CADM2: variants seen among roughly 807,000 people sequenced by gnomAD.
CADM2 encodes immunoglobulin superfamily member 4D.
A neutral mutation model predicts 49.8 loss-of-function variants in CADM2; 12 were observed. The ratio of observed to expected loss-of-function variants is 0.24; its 90% CI spans 0.15 to 0.39. CADM2 has a LOEUF of 0.39. CADM2 is among the 10% of genes least tolerant of loss of function. The pLI is 1.00. For synonymous variants in CADM2, 214 were observed against 175.4 expected (o/e 1.22, Z -1.74); for missense variants, 378 against 492.3 (o/e 0.77, Z 2.20).
At chr3:85,271,732 C>A (rs2043248106) in intron 1 of CADM2, among the ~76,000 whole-genome samples, 1 of 150,804 alleles carries the variant, frequency 6.6e-6, no homozygotes, top group African/African-American at 2.4e-5. Flanking sequence ...TAAGTAAAAT[C>A]TGTAAAATTG....
At chr3:85,385,952 A>G (rs1039668743) in intron 1 of CADM2, among the ~76,000 whole-genome samples, 3 of 152,154 alleles carry the variant, frequency 2.0e-5, no homozygotes, top group African/African-American at 7.2e-5. Context: ...ATGTTTTAAG[A>G]ATAAATGAAG....
At chr3:85,435,182 C>T (rs545555154) in intron 1 of CADM2, among the ~76,000 whole-genome samples, 51 of 152,116 alleles carry the variant, frequency 3.4e-4, no homozygotes, top group African/African-American at 1.2e-3. Context: ...CACACAACCC[C>T]CAATAGGCCC....
intron 1 of CADM2, among the ~76,000 whole-genome samples, chr3:85,597,167 CACTT>C (rs2063268369): frequency 6.6e-6 from 1 of 151,878 alleles, no homozygotes; most frequent in African/African-American, 2.4e-5. Flanking sequence ...AAAAATATGA[CACTT>C]AATGAAAGTG....
At chr3:85,165,097 A>C (rs984761897) in intron 1 of CADM2, among the ~76,000 whole-genome samples, 1 of 151,962 alleles carries the variant, frequency 6.6e-6, no homozygotes, top group East Asian at 1.9e-4. Flanking sequence ...ATTTTAAGTT[A>C]ATTTTTGGTA....
intron 6 of CADM2, among the ~76,000 whole-genome samples, chr3:85,915,064 GA>G (rs1198511143): frequency 6.6e-6 from 1 of 151,994 alleles, no homozygotes; most frequent in African/African-American, 2.4e-5. Flanking sequence ...ACACATTCTG[GA>G]AAATTGTTTG....
intron 8 of CADM2, among the ~76,000 whole-genome samples, chr3:86,045,055 C>T (rs184730260): frequency 9.5e-5 from 6 of 63,288 alleles, no homozygotes; most frequent in South Asian, 6.6e-4. Flanking sequence ...ACGGGCCTGT[C>T]GTGGGGTGGT....
At chr3:85,827,352 A>G (rs1361701891) in intron 3 of CADM2, among the ~76,000 whole-genome samples, 1 of 151,992 alleles carries the variant, frequency 6.6e-6, no homozygotes, top group African/African-American at 2.4e-5. Flanking sequence ...ATTCGTATAC[A>G]TTTTATAAAA....
At chr3:86,038,278 A>AATC (rs1735427412) in intron 8 of CADM2, among the ~76,000 whole-genome samples, 1 of 152,230 alleles carries the variant, frequency 6.6e-6, no homozygotes, top group Admixed American at 6.5e-5. Flanking sequence ...GAATGAAGAC[A>AATC]ATCAAGTGAG....
chr3:85,599,208 T>A (rs746149773), intron 1 of CADM2, among the ~76,000 whole-genome samples: 4 of 152,026 alleles, frequency 2.6e-5, no homozygotes, highest in Admixed American at 1.3e-4. Flanking sequence ...TACCCTTTGA[T>A]CGATACCTTT....
chr3:85,261,052 A>G (rs1025042253), intron 1 of CADM2, among the ~76,000 whole-genome samples: 2 of 151,836 alleles, frequency 1.3e-5, no homozygotes, highest in African/African-American at 2.4e-5. Context: ...TTCTCTTTCC[A>G]TTGTCCTTTT....
chr3:85,201,363 A>G (rs2041495693), intron 1 of CADM2, among the ~76,000 whole-genome samples: 1 of 152,230 alleles, frequency 6.6e-6, no homozygotes, highest in African/African-American at 2.4e-5. Context: ...AATAATGTAC[A>G]AACCTTAATT....
chr3:85,495,448 C>G (rs764662511), intron 1 of CADM2, among the ~76,000 whole-genome samples: 1 of 151,944 alleles, frequency 6.6e-6, no homozygotes, highest in Non-Finnish European at 1.5e-5. Context: ...TGAGGTGACC[C>G]AAAGAAATTC....
At chr3:85,245,139 A>C (rs969601539) in intron 1 of CADM2, among the ~76,000 whole-genome samples, 1 of 152,142 alleles carries the variant, frequency 6.6e-6, no homozygotes, top group Non-Finnish European at 1.5e-5. Context: ...TCAAAGGAAA[A>C]AAGACCCCAG....
intron 3 of CADM2, among the ~76,000 whole-genome samples, chr3:85,878,774 G>A (rs1233505340): frequency 6.6e-6 from 1 of 152,118 alleles, no homozygotes; most frequent in Non-Finnish European, 1.5e-5. Flanking sequence ...TAACTTTGGT[G>A]ATGTTATATA....
intron 1 of CADM2, among the ~76,000 whole-genome samples, chr3:85,323,062 A>G (rs933692799): frequency 5.3e-5 from 8 of 152,136 alleles, no homozygotes; most frequent in African/African-American, 1.9e-4. Context: ...ATTGGACAAA[A>G]CTGTTTTCTT....
At chr3:85,556,461 C>A (rs546854794) in intron 1 of CADM2, among the ~76,000 whole-genome samples, 108 of 152,248 alleles carry the variant, frequency 7.1e-4, no homozygotes, top group African/African-American at 2.5e-3. Flanking sequence ...TCAAAAACTA[C>A]ACTGTAATCT....
At chr3:85,890,356 A>G (rs780454620) in intron 5 of CADM2, among the ~76,000 whole-genome samples, 1 of 152,172 alleles carries the variant, frequency 6.6e-6, no homozygotes, top group African/African-American at 2.4e-5. Context: ...TACATTTTAC[A>G]TAAGATAACC....
In CADM2 at chr3:85,438,365, A is replaced by G. The variant is rs577411177; in HGVS notation, c.62-288157A>G. Among the ~76,000 whole-genome samples, 10 of 23,840 alleles carry G rather than the reference A, an allele frequency of 4.2e-4. 1 individual carries two copies. The highest frequency in any genetic ancestry group is 6.6e-3 in the East Asian group (1 of 152). 15.6% of individuals were successfully genotyped at this position (23,840 alleles called of 152,430 possible). ...GTTGGGTTCCAAGTCGTGGTGTTTG[A>G]AAAAAAAAAAACACGTTTGATACTT... On this transcript the variant is annotated intron_variant, in intron 1 of 9. Coordinates refer to ENST00000383699, the MANE Select transcript of CADM2 (RefSeq NM_001167675.2).
intron 1 of CADM2, among the ~76,000 whole-genome samples, chr3:85,416,945 A>G (rs1028397268): frequency 6.6e-6 from 1 of 152,128 alleles, no homozygotes; most frequent in African/African-American, 2.4e-5. Flanking sequence ...TTTATTTTTG[A>G]CTATCTCAGC....
Sources: gnomAD v4.1 joint callset for allele counts (sites outside exome capture counted in the v4.1 genomes callset) on GRCh38, gnomAD v4.1.1 for gene constraint, MANE v1.5 for transcripts, NCBI Gene and HGNC (gene_info 2026-07-23, HGNC 2026-07-21) for gene names.